Variants in DCAF6 observed in about 807,000 individuals in gnomAD.
The protein encoded by DCAF6 is DDB1 and CUL4 associated factor 6, also known as DDB1- and CUL4-associated factor 6.
DCAF6 carries 54 observed loss-of-function variants against 125.1 expected under a neutral mutation model. The observed-to-expected ratio is 0.43, with a 90% CI of 0.35 to 0.54. DCAF6 has a LOEUF of 0.54. Ranked by LOEUF, DCAF6 falls within the 20% of genes least tolerant of loss-of-function variation. DCAF6 has a pLI of 0.01. For synonymous variants in DCAF6, 371 were observed against 390.4 expected, an observed-to-expected ratio of 0.95 and a Z score of 0.58; for missense variants, 934 against 1,161.7, an observed-to-expected ratio of 0.80 and a Z score of 2.85.
At chr1:167,919,854 T>C in the DCAF6 span, 1 of 582,644 alleles carries the variant, frequency 1.7e-6, no homozygotes, top group South Asian at 2.5e-5. Flanking sequence ...ATATGAATCT[T>C]TTAAAAAAAT....
chr1:168,052,655 C>T (rs890835064), intron 17 of DCAF6, among the ~76,000 whole-genome samples: 4 of 152,100 alleles, frequency 2.6e-5, no homozygotes, highest in African/African-American at 4.8e-5. Flanking sequence ...ATCTACTGCC[C>T]GTTATGACTA....
chr1:168,033,942 C>T (rs1687472905), intron 12 of DCAF6, among the ~76,000 whole-genome samples: 1 of 152,168 alleles, frequency 6.6e-6, no homozygotes, highest in Non-Finnish European at 1.5e-5. Flanking sequence ...AAATATTCTC[C>T]TGTAATGTTT....
the DCAF6 span, chr1:167,924,439 G>A: frequency 7.0e-6 from 10 of 1,419,334 alleles, no homozygotes; most frequent in Non-Finnish European, 9.7e-6. Flanking sequence ...CTTCAAATTA[G>A]TAAATTCCTA....
At chr1:167,936,124 A>C, upstream of DCAF6, 6 of 474,420 alleles carry the variant, frequency 1.3e-5, no homozygotes, top group Non-Finnish European at 2.0e-5. Context: ...TGCCAAAATA[A>C]TCACCTCACC....
intron 1 of DCAF6, among the ~76,000 whole-genome samples, chr1:167,943,384 A>G (rs1216553325): frequency 6.6e-6 from 1 of 152,198 alleles, no homozygotes; most frequent in Non-Finnish European, 1.5e-5. Context: ...GAATCTTCTC[A>G]TCTGTGGTTC....
At position 167,975,789 on chromosome 1, in the gene DCAF6, A is replaced by G. The variant is rs367610595; in HGVS notation, c.438+774A>G. Among the ~76,000 whole-genome samples, 119 of 152,306 alleles carry G rather than the reference A, an allele frequency of 7.8e-4. 1 individual carries two copies. The South Asian group carries it at 0.023, about 29-fold the overall frequency. On this transcript the variant is annotated intron_variant, in intron 4 of 21. Transcript: ENST00000367840. ...GCTGGTCTCCAACTCCTGAGTTCAT[A>G]CAATCCTCCCACCTTGGCCTCTCAC...
the DCAF6 span, among the ~76,000 whole-genome samples, chr1:167,927,148 A>G: frequency 3.2e-4 from 49 of 152,278 alleles, no homozygotes; most frequent in Middle Eastern, 3.4e-3. Flanking sequence ...TCTGACCCAG[A>G]TTTGCCTCGA....
At chr1:168,007,161 A>G (rs2103100262) in intron 10 of DCAF6, among the ~76,000 whole-genome samples, 1 of 152,312 alleles carries the variant, frequency 6.6e-6, no homozygotes, top group East Asian at 1.9e-4. Flanking sequence ...CAGCTTTCCA[A>G]CATCTGTACT....
At chr1:167,880,559 G>C in the DCAF6 span, 5 of 1,614,078 alleles carry the variant, frequency 3.1e-6, no homozygotes, top group South Asian at 3.3e-5. Context: ...GAGTGAGCTC[G>C]TCAGGTACCT....
chr1:167,921,599 T>G, the DCAF6 span, among the ~76,000 whole-genome samples: 292 of 152,330 alleles, frequency 1.9e-3, no homozygotes, highest in Middle Eastern at 3.4e-3. Flanking sequence ...ACTGTCTCTA[T>G]TGCACTCATG....
chr1:167,967,903 A>G (rs1016361729), intron 3 of DCAF6, among the ~76,000 whole-genome samples: 1 of 150,926 alleles, frequency 6.6e-6, no homozygotes, highest in Non-Finnish European at 1.5e-5. Flanking sequence ...GCTAATTTTT[A>G]TGTTTTTGGT....
At chr1:167,934,516 G>T (rs900302857), upstream of DCAF6, among the ~76,000 whole-genome samples, 1 of 152,176 alleles carries the variant, frequency 6.6e-6, no homozygotes, top group Non-Finnish European at 1.5e-5. Context: ...TGTCCTTAAT[G>T]ATCAGTTTTA....
chr1:167,934,611 T>A (rs916826997), upstream of DCAF6, among the ~76,000 whole-genome samples: 2 of 152,218 alleles, frequency 1.3e-5, no homozygotes, highest in Non-Finnish European at 1.5e-5. Flanking sequence ...AAACTGGAAA[T>A]CAGATTTAGT....
intron 12 of DCAF6, among the ~76,000 whole-genome samples, chr1:168,030,813 A>C (rs910145430): frequency 6.6e-6 from 1 of 152,242 alleles, no homozygotes; most frequent in Non-Finnish European, 1.5e-5. Flanking sequence ...TAGGTTATAC[A>C]TTTATTTATA....
intron 4 of DCAF6, among the ~76,000 whole-genome samples, chr1:167,976,813 G>T (rs1333982632): frequency 7.0e-6 from 1 of 142,454 alleles, no homozygotes; most frequent in Non-Finnish European, 1.5e-5. Context: ...AATACCTTTG[G>T]TTTACCTTTC....
chr1:167,909,186 C>T, the DCAF6 span, among the ~76,000 whole-genome samples: 62 of 152,142 alleles, frequency 4.1e-4, 1 homozygote, highest in African/African-American at 1.5e-3. Flanking sequence ...TTGTGATATT[C>T]ATCCATGTTG....
At chr1:167,978,380 G>T (rs990721714) in intron 4 of DCAF6, among the ~76,000 whole-genome samples, 1 of 152,094 alleles carries the variant, frequency 6.6e-6, no homozygotes, top group East Asian at 1.9e-4. Context: ...CCAACAGTTG[G>T]TATTTTCAGC....
At chr1:167,868,400 C>T in the DCAF6 span, among the ~76,000 whole-genome samples, 1 of 152,138 alleles carries the variant, frequency 6.6e-6, no homozygotes, top group African/African-American at 2.4e-5. Context: ...AAAGAATTCA[C>T]TCATCCTGTA....
At chr1:168,074,281 A>G (rs1422370034) in intron 21 of DCAF6, among the ~76,000 whole-genome samples, 1 of 152,036 alleles carries the variant, frequency 6.6e-6, no homozygotes, top group Non-Finnish European at 1.5e-5. Flanking sequence ...CTCAGGATTC[A>G]GTCTTCTCTT....
Sources: allele counts gnomAD v4.1 joint callset (sites outside exome capture counted in the v4.1 genomes callset), GRCh38; gene constraint gnomAD v4.1.1; transcripts MANE v1.5; gene names NCBI Gene and HGNC (gene_info 2026-07-23, HGNC 2026-07-21).